Variants in METTL6 observed in about 807,000 individuals in gnomAD.
METTL6 encodes methyltransferase 6, tRNA N3-cytidine, also known as tRNA N(3)-cytidine methyltransferase METTL6.
A neutral mutation model predicts 26.4 loss-of-function variants in METTL6; 22 were observed. The observed-to-expected ratio is 0.83, with a 90% CI of 0.59 to 1.19. METTL6 has a LOEUF of 1.19. Ranked by LOEUF, METTL6 falls within the 50% of genes most tolerant of loss-of-function variation. The probability of loss-of-function intolerance (pLI) is 0.00; values close to 1 mark genes in which losing one functional copy is unlikely to be tolerated. For synonymous variants in METTL6, 109 were observed against 116.2 expected (o/e 0.94, Z 0.40); for missense variants, 304 against 324.8 (o/e 0.94, Z 0.49).
intron 6 of METTL6, among the ~76,000 whole-genome samples, chr3:15,391,859 TA>T (rs1481240564): frequency 6.6e-6 from 1 of 152,176 alleles, no homozygotes; most frequent in Non-Finnish European, 1.5e-5. Flanking sequence ...TAGTATTCCA[TA>T]GTGTATATGC....
chr3:15,389,871 A>T (rs111881589), intron 6 of METTL6, among the ~76,000 whole-genome samples: 4 of 103,516 alleles, frequency 3.9e-5, no homozygotes, highest in East Asian at 3.1e-4. Context: ...TTTTTTTTTT[A>T]AAGAGAAAGA....
At chr3:15,390,975 C>A (rs1303851595) in intron 6 of METTL6, among the ~76,000 whole-genome samples, 1 of 152,038 alleles carries the variant, frequency 6.6e-6, no homozygotes, top group Admixed American at 6.6e-5. Flanking sequence ...TGGCTCTCAG[C>A]GGGATGGGGA....
chr3:15,386,661 C>A (rs1411527275), intron 6 of METTL6, among the ~76,000 whole-genome samples: 1 of 152,126 alleles, frequency 6.6e-6, no homozygotes, highest in Non-Finnish European at 1.5e-5. Flanking sequence ...CATTACCAGT[C>A]AAGTGTTCCC....
At chr3:15,414,329 G>A in intron 4 of METTL6, 167 bp from the exon 5 acceptor site, 1 of 1,411,184 alleles carries the variant, frequency 7.1e-7, no homozygotes, top group East Asian at 2.6e-5. Flanking sequence ...AGTAAGACCA[G>A]GCAGGGCTCC....
At chr3:15,389,073 C>G (rs578038905) in intron 6 of METTL6, among the ~76,000 whole-genome samples, 5 of 151,744 alleles carry the variant, frequency 3.3e-5, no homozygotes, top group Admixed American at 6.6e-5. Context: ...CCAGGCTTGT[C>G]TCAAACTCTT....
At chr3:15,406,606 A>G (rs1266203989), downstream of METTL6, among the ~76,000 whole-genome samples, 1 of 67,554 alleles carries the variant, frequency 1.5e-5, no homozygotes, top group East Asian at 6.5e-4. Context: ...ATATATATAT[A>G]TATATATATA....
At chr3:15,389,860 T>A (rs953845689) in intron 6 of METTL6, among the ~76,000 whole-genome samples, 35 of 151,298 alleles carry the variant, frequency 2.3e-4, no homozygotes, top group African/African-American at 8.3e-4. Flanking sequence ...TTTTTTTTTT[T>A]TTTTTTTTTT....
intron 6 of METTL6, among the ~76,000 whole-genome samples, chr3:15,394,659 A>C (rs1274193090): frequency 6.6e-6 from 1 of 151,828 alleles, no homozygotes; most frequent in African/African-American, 2.4e-5. Flanking sequence ...CCCTGTACAC[A>C]CTGCTTTGAA....
At chr3:15,420,749 C>T (rs78328152) in intron 3 of METTL6, among the ~76,000 whole-genome samples, 3 of 152,178 alleles carry the variant, frequency 2.0e-5, no homozygotes, top group Non-Finnish European at 2.9e-5. Context: ...ACCTAATACA[C>T]TGAGTACATT....
At chr3:15,421,244 TATA>T (rs1478112305) in intron 3 of METTL6, among the ~76,000 whole-genome samples, 2 of 152,234 alleles carry the variant, frequency 1.3e-5, no homozygotes, top group Non-Finnish European at 1.5e-5. Context: ...TGTGACAACA[TATA>T]ATAATATAAT....
chr3:15,393,691 G>A (rs1028463475), intron 6 of METTL6, among the ~76,000 whole-genome samples: 1 of 152,146 alleles, frequency 6.6e-6, no homozygotes, highest in Non-Finnish European at 1.5e-5. Flanking sequence ...AATTTATTGA[G>A]AGTTTTTAGC....
chr3:15,404,279 A>G (rs1699729440), intron 6 of METTL6, among the ~76,000 whole-genome samples: 2 of 152,134 alleles, frequency 1.3e-5, no homozygotes, highest in Non-Finnish European at 2.9e-5. Context: ...CCCATTGAAC[A>G]CAATTTAATG....
At chr3:15,381,908 T>C (rs996079096) in exon 7 of METTL6, 2 of 152,172 alleles carry the variant, frequency 1.3e-5, no homozygotes, top group African/African-American at 4.8e-5. Flanking sequence ...AAAAAAAGTA[T>C]GGCTATTTTT....
intron 6 of METTL6, among the ~76,000 whole-genome samples, chr3:15,389,391 C>T (rs908947305): frequency 3.3e-5 from 5 of 152,096 alleles, no homozygotes; most frequent in South Asian, 2.1e-4. Flanking sequence ...GATCGTTTTC[C>T]TTGGTGGGTC....
At position 15,425,092 on chromosome 3, in the gene METTL6, G is replaced by A. The variant is rs1256813834; in HGVS notation, c.226-3C>T. ...ATTGTTAACTTTTGATCTTCAAACT[G>A]GGGAAAGACAGCTCAAAGTTATAGT... On this transcript the variant is annotated splice_region_variant and splice_polypyrimidine_tract_variant and intron_variant, in intron 2 of 5. Transcript: ENST00000383790. 6.2e-7 allele frequency: 1 copy of A among 1,613,652 alleles called. No individual in the cohort carries two copies. Among genetic ancestry groups the A allele is most frequent in the Non-Finnish European group, 8.5e-7 (1 of 1,179,940 alleles).
chr3:15,388,113 GTTGTTGTTGTTT>G (rs1699246555), intron 6 of METTL6, among the ~76,000 whole-genome samples: 1 of 151,852 alleles, frequency 6.6e-6, no homozygotes, highest in Non-Finnish European at 1.5e-5. Context: ...TGTTGTTGTT[GTTGTTGTTGTTT>G]TTGAGATGGA....
intron 5 of METTL6, among the ~76,000 whole-genome samples, chr3:15,411,758 T>A (rs1000690441): frequency 1.1e-4 from 16 of 152,062 alleles, no homozygotes; most frequent in Admixed American, 5.2e-4. Context: ...CCTTTTTTTT[T>A]TTAATTAAAA....
chr3:15,418,561 T>C (rs1163618339), intron 3 of METTL6, among the ~76,000 whole-genome samples: 3 of 151,864 alleles, frequency 2.0e-5, no homozygotes, highest in Non-Finnish European at 2.9e-5. Context: ...TGTGGGGCAA[T>C]AGAAAATGTT....
chr3:15,413,373 G>A (rs1243396907), intron 5 of METTL6, among the ~76,000 whole-genome samples: 1 of 152,132 alleles, frequency 6.6e-6, no homozygotes, highest in Non-Finnish European at 1.5e-5. Flanking sequence ...TCAGAAGTTC[G>A]AGACCAGCAT....
Sources: gnomAD v4.1 joint callset for allele counts (sites outside exome capture counted in the v4.1 genomes callset) on GRCh38, gnomAD v4.1.1 for gene constraint, MANE v1.5 for transcripts, NCBI Gene and HGNC (gene_info 2026-07-23, HGNC 2026-07-21) for gene names.